Variants in MIA3 observed in about 807,000 individuals in gnomAD.
The protein encoded by MIA3 is MIA SH3 domain ER export factor 3.
Under a neutral mutation model 192.4 loss-of-function variants are expected in MIA3, and 90 were observed. That is an observed-to-expected ratio of 0.47 (90% CI 0.39 to 0.56). The LOEUF is 0.56. Among genes scored for constraint, MIA3 ranks in the 20% least tolerant of loss-of-function variants. The pLI, the probability that MIA3 is intolerant of heterozygous loss-of-function variation, is 0.00. For synonymous variants in MIA3, 740 were observed against 792.8 expected (o/e 0.93, Z 1.12); for missense variants, 2,123 against 2,269.4 (o/e 0.94, Z 1.31).
chr1:222,662,635 T>C, intron 26 of MIA3: 1 of 481,928 alleles, frequency 2.1e-6, no homozygotes. Flanking sequence ...GACGGATTCA[T>C]TGGCCTTTTC....
In MIA3 at chr1:222,666,875, C is replaced by T. The variant is rs1174839613; in HGVS notation, c.*1256C>T. ...AAATACTCTACAACGTTTCTAAGAA[C>T]GAACTTCAGACATTTTAATTACAGT... On this transcript the variant is annotated 3_prime_UTR_variant, in exon 28 of 28. Transcript: ENST00000344922. 1 of 152,080 alleles carries T rather than the reference C, an allele frequency of 6.6e-6. No homozygotes were observed. Among genetic ancestry groups the T allele is most frequent in the Non-Finnish European group, 1.5e-5 (1 of 68,000 alleles). 9.4% of individuals were successfully genotyped at this position (152,080 alleles called of 1,614,324 possible).
chr1:222,631,120 CTTTTCTTTTTTTT>C (rs1465054244), intron 4 of MIA3, among the ~76,000 whole-genome samples: 1 of 144,160 alleles, frequency 6.9e-6, no homozygotes, highest in East Asian at 2.0e-4. Context: ...TTCTTTTTTT[CTTTTCTTTTTTTT>C]TTTCTTAAGA....
intron 6 of MIA3, among the ~76,000 whole-genome samples, chr1:222,635,365 G>A (rs914394531): frequency 1.3e-5 from 2 of 152,202 alleles, no homozygotes; most frequent in Non-Finnish European, 2.9e-5. Context: ...TGTAGGATAC[G>A]ATCTGTGATC....
At chr1:222,630,704 G>A (rs3008621) in intron 4 of MIA3, among the ~76,000 whole-genome samples, 16,057 of 152,250 alleles carry the variant, frequency 0.11, 1,050 homozygotes, top group Non-Finnish European at 0.14. Flanking sequence ...TTATGAAAGG[G>A]TTTTATTGAA....
chr1:222,633,022 T>C lies in MIA3; in HGVS notation c.3332-82T>C, dbSNP rs1161846990. On this transcript the variant is annotated intron_variant, in intron 5 of 27. Transcript: ENST00000344922. ...TACTTTCCAGGCACAGTGCCTAATATTTAGTGGATACTCAATAAGTATTTT... is the reference window on the plus strand; with the variant it reads ...TACTTTCCAGGCACAGTGCCTAATACTTAGTGGATACTCAATAAGTATTTT... 5.0e-6 allele frequency: 7 copies of C among 1,389,660 alleles called. No individual in the cohort carries two copies. In the East Asian group the frequency reaches 6.9e-5, roughly 14 times the overall value. The allele number at this position is 1,389,660 out of a possible 1,614,324, so 86.1% of individuals were successfully genotyped here. A position where few individuals can be genotyped will look rare whatever the true frequency, so the allele number is the denominator to read the frequency against.
intron 13 of MIA3, 49 bp from the exon 14 acceptor site, chr1:222,652,959 C>T: frequency 1.3e-6 from 2 of 1,578,154 alleles, no homozygotes; most frequent in Non-Finnish European, 1.7e-6. Flanking sequence ...CCTAATGTCT[C>T]CAGTGCAAAA....
At chr1:222,659,840 CT>C in intron 22 of MIA3, 39 bp downstream of exon 22, 1 of 1,608,434 alleles carries the variant, frequency 6.2e-7, no homozygotes, top group East Asian at 2.2e-5. Context: ...AGCGCGTGTT[CT>C]CTTAAGGAAT....
rs1426233522 is a variant in MIA3, at chr1:222,628,478, G to A, written c.1258G>A (p.Val420Ile). 4 of 1,613,288 alleles carry A rather than the reference G, an allele frequency of 2.5e-6. No individual in the cohort carries two copies. Among genetic ancestry groups the A allele is most frequent in the African/African-American group, 2.7e-5 (2 of 74,818 alleles). The change falls in exon 4 of 28, where the codon GTC (valine) becomes ATC (isoleucine). Residue 420 changes from valine to isoleucine, a missense_variant. Physicochemically the swap from Val to Ile is conservative, Grantham distance 29 (BLOSUM62 3). This residue lies in a region of MIA3 where 1,357 missense variants were observed against 1,396.1 expected (regional missense o/e 0.97). Transcript: ENST00000344922. The part of the protein sequence containing the change: ...EEKEDDDDAL[V>I]PDSKQGKPQS... ...AAAAGAAGATGATGATGATGCATTA[G>A]TCCCAGATAGCAAACAGGGGAAACC...
Position 222,628,418 on chromosome 1 carries a change from A to T in MIA3, c.1198A>T (p.Thr400Ser). 1 of 1,613,994 alleles carries T rather than the reference A, an allele frequency of 6.2e-7. No homozygotes were observed. Among genetic ancestry groups the T allele is most frequent in the Non-Finnish European group, 8.5e-7 (1 of 1,179,972 alleles). The change falls in exon 4 of 28, where the codon ACG (threonine) becomes TCG (serine). Residue 400 changes from threonine to serine, a missense_variant. Transcript: ENST00000344922. ...IVTGGEETRD[T>S]MDLESSSSEE... ...CACAGGAGGTGAAGAAACAAGAGAT[A>T]CGATGGATTTAGAGAGCTCTAGTTC...
intron 15 of MIA3, 38 bp from the exon 16 acceptor site, chr1:222,654,205 G>C: frequency 6.3e-7 from 1 of 1,588,792 alleles, no homozygotes; most frequent in Non-Finnish European, 8.6e-7. Flanking sequence ...AAAAGCAAGG[G>C]AAGAAAAAGC....
At position 222,650,399 on chromosome 1, in the gene MIA3, T is replaced by G. The variant is rs1489432652; in HGVS notation, c.3720+19T>G. 3.7e-6 allele frequency: 5 copies of G among 1,361,700 alleles called. No individual in the cohort carries two copies. Among genetic ancestry groups the G allele is most frequent in the African/African-American group, 3.0e-5 (2 of 66,690 alleles). 84.4% of individuals were successfully genotyped at this position (1,361,700 alleles called of 1,614,324 possible). Reference sequence around the variant, plus strand: ...ACAGAAGGTATGATTATTCTTTGTTTTTTTTTTTTTTCATGGTCCCAGCTT... The same window carrying G: ...ACAGAAGGTATGATTATTCTTTGTTGTTTTTTTTTTTCATGGTCCCAGCTT... On this transcript the variant is annotated intron_variant, in intron 9 of 27. Coordinates refer to ENST00000344922, the MANE Select transcript of MIA3 (RefSeq NM_198551.4).
intron 6 of MIA3, chr1:222,644,250 C>G: frequency 6.6e-6 from 9 of 1,353,574 alleles, no homozygotes; most frequent in Non-Finnish European, 8.6e-6. Context: ...TGGCCCCGCC[C>G]TCGCCGGCCG....
At chr1:222,632,880 C>T (rs1662463646) in intron 5 of MIA3, among the ~76,000 whole-genome samples, 1 of 152,160 alleles carries the variant, frequency 6.6e-6, no homozygotes, top group Non-Finnish European at 1.5e-5. Context: ...ATGTTTATAG[C>T]ATAAGCTCAT....
At chr1:222,660,475 A>T in intron 24 of MIA3, 161 bp downstream of exon 24, 1 of 540,862 alleles carries the variant, frequency 1.8e-6, no homozygotes, top group Non-Finnish European at 3.0e-6. Flanking sequence ...TTCAACTGCA[A>T]GATTTGCTTT....
intron 19 of MIA3, 109 bp downstream of exon 19, chr1:222,658,932 T>G: frequency 4.6e-6 from 3 of 658,020 alleles, no homozygotes; most frequent in Non-Finnish European, 5.2e-6. Context: ...ATACATCAAT[T>G]CACACAAAAG....
intron 27 of MIA3, 55 bp from the exon 28 acceptor site, chr1:222,665,254 A>T: frequency 2.8e-6 from 3 of 1,054,260 alleles, no homozygotes; most frequent in Non-Finnish European, 4.2e-6. Flanking sequence ...ACCTGGCATT[A>T]TCTTAATTTA....
chr1:222,653,473 T>C, intron 15 of MIA3, 134 bp downstream of exon 15: 2 of 642,020 alleles, frequency 3.1e-6, no homozygotes, highest in Middle Eastern at 6.5e-4. Context: ...TGTGTGTCTG[T>C]TTGCATTGGG....
chr1:222,638,882 A>G (rs1352841274), intron 6 of MIA3, among the ~76,000 whole-genome samples: 2 of 152,218 alleles, frequency 1.3e-5, no homozygotes, highest in African/African-American at 2.4e-5. Context: ...TTAATCCTCA[A>G]GTAAACAGGA....
At chr1:222,638,427 C>T (rs952766867) in intron 6 of MIA3, among the ~76,000 whole-genome samples, 5 of 152,000 alleles carry the variant, frequency 3.3e-5, no homozygotes, top group Admixed American at 1.3e-4. Context: ...ACAGGCCAGG[C>T]GCAGTGGCAT....
Sources: gnomAD v4.1 joint callset for allele counts (sites outside exome capture counted in the v4.1 genomes callset) on GRCh38, gnomAD v4.1.1 for gene constraint, gnomAD v4.1.1 regional missense constraint, MANE v1.5 for transcripts, NCBI Gene and HGNC (gene_info 2026-07-23, HGNC 2026-07-21) for gene names.